Variants in ZMAT4 observed in about 807,000 individuals in gnomAD.
ZMAT4 encodes the protein zinc finger matrin-type protein 4.
A neutral mutation model predicts 28.7 loss-of-function variants in ZMAT4; 17 were observed. That is an observed-to-expected ratio of 0.59 (90% CI 0.41 to 0.89). The LOEUF (loss-of-function observed/expected upper bound fraction) is 0.89, where lower values mean the gene tolerates loss of function less well. Among genes scored for constraint, ZMAT4 ranks in the 40% least tolerant of loss-of-function variants. ZMAT4 has a pLI of 0.00. For synonymous variants in ZMAT4, 117 were observed against 109.2 expected (o/e 1.07, Z -0.44); for missense variants, 240 against 283.8 (o/e 0.85, Z 1.11).
At chr8:40,561,087 C>T (rs1233961216) in intron 6 of ZMAT4, among the ~76,000 whole-genome samples, 4 of 152,082 alleles carry the variant, frequency 2.6e-5, no homozygotes, top group Non-Finnish European at 5.9e-5. Flanking sequence ...AAGAAAAGAT[C>T]GTCTTTGATT....
At chr8:40,889,922 T>C (rs950004717) in intron 1 of ZMAT4, among the ~76,000 whole-genome samples, 1 of 152,254 alleles carries the variant, frequency 6.6e-6, no homozygotes, top group Non-Finnish European at 1.5e-5. Flanking sequence ...ACATCTCCTA[T>C]GTTTCCAAAT....
intron 1 of ZMAT4, among the ~76,000 whole-genome samples, chr8:40,874,347 G>A (rs1027901599): frequency 6.6e-6 from 1 of 152,168 alleles, no homozygotes; most frequent in Non-Finnish European, 1.5e-5. Context: ...GTTAACTTTG[G>A]GGCTCACCTG....
chr8:40,643,169 C>CACACTAGAT (rs1447254109), intron 5 of ZMAT4, among the ~76,000 whole-genome samples: 1 of 152,114 alleles, frequency 6.6e-6, no homozygotes, highest in African/African-American at 2.4e-5. Context: ...TCTGTGCCCA[C>CACACTAGAT]ACACTAGATA....
intron 3 of ZMAT4, among the ~76,000 whole-genome samples, chr8:40,711,356 T>C (rs923308229): frequency 5.3e-5 from 8 of 152,202 alleles, no homozygotes; most frequent in Admixed American, 1.3e-4. Context: ...GATCTAGGCA[T>C]TGGGCATCAA....
At chr8:40,627,620 G>A (rs1309712003) in intron 5 of ZMAT4, among the ~76,000 whole-genome samples, 1 of 151,930 alleles carries the variant, frequency 6.6e-6, no homozygotes, top group Admixed American at 6.6e-5. Context: ...GTATAAGCAG[G>A]GAATACAATT....
chr8:40,767,522 C>A lies in ZMAT4; in HGVS notation c.192+119G>T, dbSNP rs890989273. 3.1e-5 allele frequency: 24 copies of A among 778,408 alleles called. No homozygotes were observed. In the South Asian group the frequency reaches 4.8e-4, roughly 15 times the overall value. 48.2% of individuals were successfully genotyped at this position (778,408 alleles called of 1,614,324 possible). ...TAGTACCTGTAATATTTAGTGAGAA[C>A]TATTTCTACTCACTCAGCTTTTCTA... is the stretch of plus-strand genomic sequence containing the variant. On this transcript the variant is annotated intron_variant, in intron 3 of 6. Transcript: ENST00000297737.
chr8:40,564,561 C>A (rs1022060484), intron 6 of ZMAT4, among the ~76,000 whole-genome samples: 5 of 152,176 alleles, frequency 3.3e-5, no homozygotes, highest in Non-Finnish European at 7.3e-5. Context: ...AAAATGTTGA[C>A]AGTTACCTAG....
intron 4 of ZMAT4, among the ~76,000 whole-genome samples, chr8:40,693,799 A>G (rs1809758557): frequency 1.3e-5 from 2 of 152,172 alleles, no homozygotes; most frequent in Admixed American, 1.3e-4. Context: ...AAGGCGACTC[A>G]AGTTGCAACT....
chr8:40,691,322 C>G (rs1336627928), intron 4 of ZMAT4, among the ~76,000 whole-genome samples: 1 of 151,710 alleles, frequency 6.6e-6, no homozygotes, highest in African/African-American at 2.4e-5. Flanking sequence ...CACTTCAGCA[C>G]TGCTCTTGGG....
rs560759572 is a variant in ZMAT4, at chr8:40,533,424, A to G, written c.675-1186T>C. 2.0e-5 allele frequency among the ~76,000 whole-genome samples: 3 copies of G among 152,322 alleles called. 1 individual carries two copies. The highest frequency in any genetic ancestry group is 7.2e-5 in the African/African-American group (3 of 41,566). ...CTTCTAGTGGTGGCTGTTTCCCTTAAAGAATATTTTAGAGGGAAGGGTGGC... is the reference window on the plus strand; with the variant it reads ...CTTCTAGTGGTGGCTGTTTCCCTTAGAGAATATTTTAGAGGGAAGGGTGGC... On this transcript the variant is annotated intron_variant, in intron 6 of 6. Coordinates refer to ENST00000297737, the MANE Select transcript of ZMAT4 (RefSeq NM_024645.3).
chr8:40,545,258 A>G (rs1803164826), intron 6 of ZMAT4, among the ~76,000 whole-genome samples: 1 of 152,186 alleles, frequency 6.6e-6, no homozygotes, highest in African/African-American at 2.4e-5. Flanking sequence ...GGAGAAGCTC[A>G]GAACTAGAGA....
chr8:40,863,887 C>T (rs1008357666), intron 1 of ZMAT4, among the ~76,000 whole-genome samples: 1 of 152,194 alleles, frequency 6.6e-6, no homozygotes, highest in Non-Finnish European at 1.5e-5. Flanking sequence ...AAGTTTATTA[C>T]AACACTTACC....
intron 3 of ZMAT4, among the ~76,000 whole-genome samples, chr8:40,741,567 T>C (rs140616825): frequency 6.6e-6 from 1 of 152,258 alleles, no homozygotes; most frequent in Admixed American, 6.5e-5. Context: ...AGATTGGTAA[T>C]ATCCAGTATT....
At chr8:40,634,622 A>G (rs1806723712) in intron 5 of ZMAT4, among the ~76,000 whole-genome samples, 1 of 152,224 alleles carries the variant, frequency 6.6e-6, no homozygotes, top group Non-Finnish European at 1.5e-5. Flanking sequence ...TTTTAAGTCT[A>G]TATGCAAGGA....
intron 2 of ZMAT4, among the ~76,000 whole-genome samples, chr8:40,792,772 G>T (rs981641507): frequency 7.1e-5 from 10 of 141,294 alleles, no homozygotes; most frequent in Non-Finnish European, 1.6e-4. Context: ...GGGAGGAAAA[G>T]AAAATAACTA....
chr8:40,560,752 A>T (rs964788518), intron 6 of ZMAT4, among the ~76,000 whole-genome samples: 2 of 152,084 alleles, frequency 1.3e-5, no homozygotes, highest in Non-Finnish European at 2.9e-5. Context: ...TGACTTCGAG[A>T]CTACAAGTTT....
At chr8:40,731,819 T>C (rs950883294) in intron 3 of ZMAT4, among the ~76,000 whole-genome samples, 4 of 152,184 alleles carry the variant, frequency 2.6e-5, no homozygotes, top group African/African-American at 9.7e-5. Flanking sequence ...GTGGAAGCAA[T>C]TCAGTGTCCA....
intron 3 of ZMAT4, among the ~76,000 whole-genome samples, chr8:40,752,553 C>T (rs1360851854): frequency 6.6e-6 from 1 of 152,180 alleles, no homozygotes; most frequent in Non-Finnish European, 1.5e-5. Context: ...CCACTCTCTG[C>T]AGTCATGGAC....
chr8:40,801,351 A>AAT (rs1554559737), intron 2 of ZMAT4, among the ~76,000 whole-genome samples: 14,748 of 97,074 alleles, frequency 0.15, 1,069 homozygotes, highest in Non-Finnish European at 0.23. Context: ...TAAAAAAAAA[A>AAT]ATATATATAT....
Sources: allele counts gnomAD v4.1 joint callset (sites outside exome capture counted in the v4.1 genomes callset), GRCh38; gene constraint gnomAD v4.1.1; transcripts MANE v1.5; gene names NCBI Gene and HGNC (gene_info 2026-07-23, HGNC 2026-07-21).